Variants in STK3 observed in about 807,000 individuals in gnomAD.
STK3 encodes serine/threonine kinase 3, also known as serine/threonine-protein kinase 3.
In STK3, 41 loss-of-function variants were observed where a neutral mutation model predicts 58.0. The observed-to-expected ratio is 0.71, with a 90% CI of 0.55 to 0.92. The LOEUF (loss-of-function observed/expected upper bound fraction) is 0.92. Among genes scored for constraint, STK3 ranks in the 40% least tolerant of loss-of-function variants. The probability of loss-of-function intolerance (pLI) is 0.00; values close to 1 mark genes in which losing one functional copy is unlikely to be tolerated. For synonymous variants in STK3, 170 were observed against 191.0 expected, an observed-to-expected ratio of 0.89 and a Z score of 0.91; for missense variants, 479 against 602.7, an observed-to-expected ratio of 0.79 and a Z score of 2.15.
intron 6 of STK3, chr8:98,601,504 C>T (rs1816343550): frequency 6.6e-6 from 1 of 152,146 alleles, no homozygotes; most frequent in Admixed American, 6.5e-5. Context: ...GTTCAACTGA[C>T]TTTTGTAAGC....
chr8:98,880,779 A>G (rs1460501507), downstream of STK3: 1 of 152,248 alleles, frequency 6.6e-6, no homozygotes, highest in African/African-American at 2.4e-5. Context: ...AAAATTAGAA[A>G]CTACTACACA....
intron 10 of STK3, among the ~76,000 whole-genome samples, chr8:98,514,673 C>T (rs1824793279): frequency 1.3e-5 from 2 of 152,034 alleles, no homozygotes; most frequent in Non-Finnish European, 2.9e-5. Context: ...GTTCCTGCCC[C>T]ACTCACCTTA....
At chr8:98,834,697 G>C (rs1398276305) in intron 3 of STK3, among the ~76,000 whole-genome samples, 1 of 152,156 alleles carries the variant, frequency 6.6e-6, no homozygotes, top group East Asian at 1.9e-4. Flanking sequence ...TTTTGTAAGG[G>C]ACTAATTCCA....
intron 10 of STK3, among the ~76,000 whole-genome samples, chr8:98,465,102 A>G (rs1820363003): frequency 6.6e-6 from 1 of 152,190 alleles, no homozygotes; most frequent in Non-Finnish European, 1.5e-5. Flanking sequence ...ATTACTGATT[A>G]TTTACAATGT....
Position 98,649,929 on chromosome 8 carries a change from C to A in STK3, c.685-53760G>T, listed in dbSNP as rs146574567. Among the ~76,000 whole-genome samples, 4 of 152,266 alleles carry A rather than the reference C, an allele frequency of 2.6e-5. No individual in the cohort carries two copies. The East Asian group carries it at 7.7e-4, about 29-fold the overall frequency. The stretch of plus-strand genomic sequence containing the variant: ...TCAATTAGATTTTTACGAATTTCTT[C>A]CTACAGAAGTGTACTTCTTTTGTTA... On this transcript the variant is annotated intron_variant, in intron 6 of 10. Transcript: ENST00000419617.
intron 6 of STK3, among the ~76,000 whole-genome samples, chr8:98,698,566 C>CA (rs1182982149): frequency 2.0e-5 from 3 of 152,192 alleles, no homozygotes; most frequent in African/African-American, 4.8e-5. Flanking sequence ...CTGGTGGTGA[C>CA]AAAATCACTC....
At chr8:98,935,241 A>G (rs1840155148) in intron 1 of STK3, among the ~76,000 whole-genome samples, 1 of 152,228 alleles carries the variant, frequency 6.6e-6, no homozygotes, top group African/African-American at 2.4e-5. Context: ...TGGACCATAA[A>G]GTAAGAGTCA....
chr8:98,856,298 C>T (rs911078469), intron 3 of STK3, among the ~76,000 whole-genome samples: 1 of 140,588 alleles, frequency 7.1e-6, no homozygotes, highest in African/African-American at 2.6e-5. Flanking sequence ...GCCTGGGTGA[C>T]AGAGTGAGTG....
intron 3 of STK3, among the ~76,000 whole-genome samples, chr8:98,410,560 G>A (rs1415670928): frequency 1.3e-5 from 2 of 152,178 alleles, no homozygotes; most frequent in Non-Finnish European, 1.5e-5. Context: ...TTACAAATGG[G>A]TGGATATATA....
At chr8:98,882,758 G>T (rs1837845562), downstream of STK3, 1 of 152,196 alleles carries the variant, frequency 6.6e-6, no homozygotes, top group Non-Finnish European at 1.5e-5. Flanking sequence ...TTTAACAGCT[G>T]CCTTATTTAG....
intron 3 of STK3, chr8:98,430,242 C>T (rs973095715): frequency 6.0e-6 from 1 of 166,974 alleles, no homozygotes; most frequent in African/African-American, 2.4e-5. Flanking sequence ...AGTCAAGCCT[C>T]CTTGTTTCCT....
At position 98,650,650 on chromosome 8, in the gene STK3, T is replaced by C. The variant is rs191667947; in HGVS notation, c.685-54481A>G. Reference sequence around the variant, plus strand: ...CACTCCCACCCTAATACTGTGCTTTTCCGACGGGCTTAAAAAACAGCGCAC... The same window carrying C: ...CACTCCCACCCTAATACTGTGCTTTCCCGACGGGCTTAAAAAACAGCGCAC... On this transcript the variant is annotated intron_variant, in intron 6 of 10. Transcript: ENST00000419617. Among the ~76,000 whole-genome samples the C allele has an allele frequency of 2.2e-3, 328 of 152,356 alleles. 2 individuals are homozygous for C. The highest frequency in any genetic ancestry group is 7.7e-3 in the African/African-American group (319 of 41,584).
chr8:98,427,317 C>T (rs1195324240), intron 3 of STK3: 1 of 151,640 alleles, frequency 6.6e-6, no homozygotes, highest in East Asian at 2.0e-4. Flanking sequence ...GCCGCGGGCA[C>T]CCGTGCTCCC....
chr8:98,610,422 T>C (rs376453388), intron 6 of STK3, among the ~76,000 whole-genome samples: 1 of 152,202 alleles, frequency 6.6e-6, no homozygotes, highest in Admixed American at 6.5e-5. Context: ...CCTAGCTTCA[T>C]TTTACCAAAG....
chr8:98,655,520 A>G (rs1238279369), intron 6 of STK3, among the ~76,000 whole-genome samples: 6 of 152,096 alleles, frequency 3.9e-5, no homozygotes, highest in Non-Finnish European at 5.9e-5. Flanking sequence ...CTGCACAGCA[A>G]AAGAAACTAC....
At chr8:98,394,536 A>G (rs1817880880) in intron 3 of STK3, among the ~76,000 whole-genome samples, 1 of 152,236 alleles carries the variant, frequency 6.6e-6, no homozygotes. Flanking sequence ...AAAATAAAAT[A>G]AAACAGAAAT....
At chr8:98,406,704 A>G (rs1039332791) in intron 3 of STK3, among the ~76,000 whole-genome samples, 2 of 152,224 alleles carry the variant, frequency 1.3e-5, no homozygotes, top group African/African-American at 4.8e-5. Context: ...CCCAACTCTA[A>G]TCCCTTATCT....
chr8:98,404,184 G>C (rs1018311027), intron 3 of STK3, among the ~76,000 whole-genome samples: 2 of 152,160 alleles, frequency 1.3e-5, no homozygotes, highest in African/African-American at 4.8e-5. Flanking sequence ...ACTATATGCT[G>C]TCTCTCAGAG....
intron 3 of STK3, chr8:98,430,321 G>T (rs1230445653): frequency 1.2e-5 from 2 of 167,098 alleles, no homozygotes; most frequent in Non-Finnish European, 2.9e-5. Context: ...AAACTTTGCT[G>T]TGTCTAAGAT....
Sources: gnomAD v4.1 joint callset for allele counts (sites outside exome capture counted in the v4.1 genomes callset) on GRCh38, gnomAD v4.1.1 for gene constraint, MANE v1.5 for transcripts, NCBI Gene and HGNC (gene_info 2026-07-23, HGNC 2026-07-21) for gene names.